The following THSD7B variants were observed in gnomAD, a reference collection of about 807,000 sequenced individuals.
THSD7B encodes thrombospondin type 1 domain containing 7B.
Under a neutral mutation model 213.6 loss-of-function variants are expected in THSD7B, and 138 were observed. That is an observed-to-expected ratio of 0.65 (90% CI 0.56 to 0.74). The LOEUF (loss-of-function observed/expected upper bound fraction) is 0.74, where lower values mean the gene tolerates loss of function less well. Among genes scored for constraint, THSD7B ranks in the 30% least tolerant of loss-of-function variants. The probability of loss-of-function intolerance (pLI) is 0.00; values close to 1 mark genes in which losing one functional copy is unlikely to be tolerated. For missense variants in THSD7B, 1,931 were observed against 1,991.5 expected (o/e 0.97, Z 0.58); for synonymous variants, 742 against 687.0 (o/e 1.08, Z -1.25).
At chr2:136,943,792 C>T (rs1316405772) in intron 2 of THSD7B, among the ~76,000 whole-genome samples, 3 of 152,110 alleles carry the variant, frequency 2.0e-5, no homozygotes, top group African/African-American at 7.2e-5. Flanking sequence ...ATTAGTCTTG[C>T]TAGCGGTCTG....
chr2:137,666,543 C>CG (rs1683451667), intron 26 of THSD7B, among the ~76,000 whole-genome samples: 1 of 147,344 alleles, frequency 6.8e-6, no homozygotes, highest in Non-Finnish European at 1.5e-5. Flanking sequence ...GATTTCCCCC[C>CG]CCCATAGAAG....
At chr2:137,316,631 G>C (rs954459435) in intron 12 of THSD7B, among the ~76,000 whole-genome samples, 9 of 152,154 alleles carry the variant, frequency 5.9e-5, no homozygotes, top group Admixed American at 4.6e-4. Flanking sequence ...GGTGGTGGGT[G>C]CCTGTAGTCC....
intron 10 of THSD7B, among the ~76,000 whole-genome samples, chr2:137,262,139 A>G (rs1473113375): frequency 2.0e-5 from 3 of 152,164 alleles, no homozygotes; most frequent in African/African-American, 4.8e-5. Context: ...GTCGGCCTGA[A>G]TAGCATTCTT....
At chr2:136,990,790 A>G (rs1685764734) in intron 2 of THSD7B, 1 of 818,056 alleles carries the variant, frequency 1.2e-6, no homozygotes, top group Non-Finnish European at 1.8e-6. Context: ...GATACTGATT[A>G]GGACACGCCA....
intron 15 of THSD7B, among the ~76,000 whole-genome samples, chr2:137,557,749 C>T (rs1681009256): frequency 6.6e-6 from 1 of 152,074 alleles, no homozygotes; most frequent in Non-Finnish European, 1.5e-5. Flanking sequence ...ACACAAAAAA[C>T]CCTTCAAAAA....
Position 136,818,296 on chromosome 2 carries a change from A to G in THSD7B, c.-36+52609A>G, listed in dbSNP as rs1187237988. The stretch of plus-strand genomic sequence containing the variant: ...ATCATTCTCAGTAAACTATCGCAAG[A>G]ACAAAAAACCAAACACCACATATTC... On this transcript the variant is annotated intron_variant, in intron 1 of 27. Transcript: ENST00000409968. 3.7e-5 allele frequency among the ~76,000 whole-genome samples: 5 copies of G among 136,634 alleles called. No homozygotes were observed. In the East Asian group the frequency reaches 1.2e-3, roughly 32 times the overall value. 89.6% of individuals were successfully genotyped at this position (136,634 alleles called of 152,430 possible).
chr2:136,906,935 G>GGTT (rs1558847263), intron 2 of THSD7B, among the ~76,000 whole-genome samples: 4 of 67,432 alleles, frequency 5.9e-5, no homozygotes, highest in Non-Finnish European at 1.4e-4. Flanking sequence ...TACATTTCAA[G>GGTT]GTTTTTTTTT....
At chr2:137,195,956 TTGACCATC>T (rs1680751544) in intron 7 of THSD7B, among the ~76,000 whole-genome samples, 1 of 152,220 alleles carries the variant, frequency 6.6e-6, no homozygotes, top group Admixed American at 6.6e-5. Flanking sequence ...CTTTCACAGA[TTGACCATC>T]CCTAATCTAA....
intron 2 of THSD7B, among the ~76,000 whole-genome samples, chr2:137,033,148 A>T (rs1686706909): frequency 6.6e-6 from 1 of 152,136 alleles, no homozygotes; most frequent in African/African-American, 2.4e-5. Context: ...GGCCCTAAAA[A>T]TATTATTGTA....
intron 5 of THSD7B, among the ~76,000 whole-genome samples, chr2:137,141,646 G>A (rs538110380): frequency 6.6e-6 from 1 of 151,686 alleles, no homozygotes; most frequent in South Asian, 2.1e-4. Flanking sequence ...TTAGTGAAAG[G>A]TACATGGGAA....
At chr2:137,316,045 G>A (rs1242221203) in intron 12 of THSD7B, among the ~76,000 whole-genome samples, 1 of 152,046 alleles carries the variant, frequency 6.6e-6, no homozygotes, top group Non-Finnish European at 1.5e-5. Flanking sequence ...TATTATGTGT[G>A]TTAGTCTTTG....
At chr2:136,985,899 C>T (rs531509294) in intron 2 of THSD7B, among the ~76,000 whole-genome samples, 242 of 152,358 alleles carry the variant, frequency 1.6e-3, no homozygotes, top group African/African-American at 5.7e-3. Context: ...CTTGCATCAG[C>T]GTGCCCTGGA....
At chr2:137,353,347 T>A (rs1685055560) in intron 12 of THSD7B, among the ~76,000 whole-genome samples, 2 of 152,240 alleles carry the variant, frequency 1.3e-5, no homozygotes, top group South Asian at 2.1e-4. Context: ...AGATTCTGAA[T>A]GATTGTTAAC....
chr2:137,195,741 A>G (rs1292338034), intron 7 of THSD7B, among the ~76,000 whole-genome samples: 1 of 152,188 alleles, frequency 6.6e-6, no homozygotes, highest in Non-Finnish European at 1.5e-5. Flanking sequence ...GAATAATGGA[A>G]TTAAAAAATC....
At chr2:137,390,175 T>C (rs1685987166) in intron 12 of THSD7B, among the ~76,000 whole-genome samples, 1 of 152,180 alleles carries the variant, frequency 6.6e-6, no homozygotes, top group African/African-American at 2.4e-5. Context: ...ATTCTTTTGG[T>C]CATGAGCGTG....
intron 5 of THSD7B, among the ~76,000 whole-genome samples, chr2:137,115,502 A>G (rs1305367276): frequency 6.6e-6 from 1 of 152,196 alleles, no homozygotes; most frequent in African/African-American, 2.4e-5. Context: ...ATGTCTCCCA[A>G]GAGTCACTGT....
intron 12 of THSD7B, among the ~76,000 whole-genome samples, chr2:137,283,417 C>T (rs1306007881): frequency 6.6e-6 from 1 of 152,052 alleles, no homozygotes; most frequent in Admixed American, 6.6e-5. Flanking sequence ...TTGCCCTGGC[C>T]AGAACTTCCA....
chr2:137,173,379 A>T (rs900301819), intron 7 of THSD7B, among the ~76,000 whole-genome samples: 13 of 152,172 alleles, frequency 8.5e-5, no homozygotes, highest in Non-Finnish European at 1.8e-4. Flanking sequence ...ATGCTTTGTT[A>T]TCTCACAGCA....
At chr2:137,555,301 G>A (rs993893251) in intron 15 of THSD7B, among the ~76,000 whole-genome samples, 3 of 152,180 alleles carry the variant, frequency 2.0e-5, no homozygotes, top group Admixed American at 6.5e-5. Context: ...CCTAGTAGGG[G>A]CAGACTGACA....
Sources: allele counts gnomAD v4.1 joint callset (sites outside exome capture counted in the v4.1 genomes callset), GRCh38; gene constraint gnomAD v4.1.1; transcripts MANE v1.5; gene names NCBI Gene and HGNC (gene_info 2026-07-23, HGNC 2026-07-21).